The following MAMDC2 variants were observed in gnomAD, a reference collection of about 807,000 sequenced individuals.
MAMDC2 encodes MAM domain-containing protein 2.
A neutral mutation model predicts 89.8 loss-of-function variants in MAMDC2; 57 were observed. The observed-to-expected ratio is 0.63, with a 90% CI of 0.51 to 0.79. The LOEUF (loss-of-function observed/expected upper bound fraction) is 0.79. Ranked by LOEUF, MAMDC2 falls within the 30% of genes least tolerant of loss-of-function variation. MAMDC2 has a pLI of 0.00. For missense variants in MAMDC2, 800 were observed against 820.6 expected, an observed-to-expected ratio of 0.97 and a Z score of 0.31; for synonymous variants, 313 against 293.4, an observed-to-expected ratio of 1.07 and a Z score of -0.68.
intron 2 of MAMDC2, among the ~76,000 whole-genome samples, chr9:70,076,443 C>T (rs1299424143): frequency 3.3e-5 from 5 of 151,534 alleles, no homozygotes; most frequent in Admixed American, 2.0e-4. Context: ...AAATTAATGG[C>T]GGTACTTAGG....
intron 3 of MAMDC2, 141 bp from the exon 4 acceptor site, chr9:70,109,579 A>G: frequency 6.0e-6 from 4 of 665,232 alleles, no homozygotes; most frequent in Non-Finnish European, 1.1e-5. Context: ...TGAAATTGGT[A>G]TCCAATAGCA....
chr9:70,168,690 T>C lies in MAMDC2; in HGVS notation c.1405-12T>C. ...TTAACAGAATTCATAGCTTTATTTT[T>C]ATGAATTTCAGGTGGTTTTCATGAG... On this transcript the variant is annotated splice_polypyrimidine_tract_variant and intron_variant, in intron 9 of 13. Coordinates refer to ENST00000377182, the MANE Select transcript of MAMDC2 (RefSeq NM_153267.5). 2 of 1,608,866 alleles carry C rather than the reference T, an allele frequency of 1.2e-6. No homozygotes were observed. The highest frequency in any genetic ancestry group is 1.7e-6 in the Non-Finnish European group (2 of 1,175,506).
chr9:70,053,101 T>C (rs762872230), intron 2 of MAMDC2, among the ~76,000 whole-genome samples: 11 of 152,194 alleles, frequency 7.2e-5, no homozygotes, highest in Non-Finnish European at 1.3e-4. Context: ...AGGTGTGAGA[T>C]GTCCATAGCA....
chr9:70,077,465 C>T (rs1827558515), intron 2 of MAMDC2, among the ~76,000 whole-genome samples: 2 of 152,158 alleles, frequency 1.3e-5, no homozygotes, highest in Admixed American at 6.5e-5. Flanking sequence ...GGCTATTGAG[C>T]AGTAGAGATG....
At chr9:70,211,628 CGTCAAA>C (rs1257655655) in intron 11 of MAMDC2, among the ~76,000 whole-genome samples, 2 of 150,698 alleles carry the variant, frequency 1.3e-5, no homozygotes, top group African/African-American at 2.4e-5. Context: ...TCTCTCAACT[CGTCAAA>C]GTCATTCTCC....
At chr9:70,190,191 A>C (rs570152430) in intron 11 of MAMDC2, among the ~76,000 whole-genome samples, 1 of 152,194 alleles carries the variant, frequency 6.6e-6, no homozygotes, top group African/African-American at 2.4e-5. Context: ...GGACGTTTTG[A>C]ATAATACAGT....
chr9:70,075,211 G>C (rs944941764), intron 2 of MAMDC2, among the ~76,000 whole-genome samples: 2 of 152,146 alleles, frequency 1.3e-5, no homozygotes, highest in Non-Finnish European at 2.9e-5. Flanking sequence ...TGAAGCCATG[G>C]TTCAAACCTG....
At chr9:70,147,170 C>T (rs535855202) in intron 9 of MAMDC2, among the ~76,000 whole-genome samples, 4 of 148,500 alleles carry the variant, frequency 2.7e-5, no homozygotes, top group South Asian at 2.2e-4. Context: ...GCACAAGAAT[C>T]GCTTGTGCCA....
At chr9:70,182,880 T>G (rs890732731) in intron 11 of MAMDC2, among the ~76,000 whole-genome samples, 1 of 152,190 alleles carries the variant, frequency 6.6e-6, no homozygotes, top group African/African-American at 2.4e-5. Flanking sequence ...TCATTATTTC[T>G]TGTCTTCTAG....
At chr9:70,163,233 TTTTTTTTTTTTTTTA>T (rs1344337703) in intron 9 of MAMDC2, among the ~76,000 whole-genome samples, 4 of 146,512 alleles carry the variant, frequency 2.7e-5, no homozygotes, top group Non-Finnish European at 4.5e-5. Flanking sequence ...TTCTTTCTTT[TTTTTTTTTTTTTTTA>T]GACAGAGTCT....
chr9:70,172,521 C>A (rs939849657), intron 11 of MAMDC2: 4 of 152,694 alleles, frequency 2.6e-5, no homozygotes, highest in African/African-American at 7.2e-5. Context: ...CTGAGACCAC[C>A]CGCTTCCCTT....
chr9:70,058,394 T>TTACATCAA (rs1827071279), intron 2 of MAMDC2, among the ~76,000 whole-genome samples: 1 of 152,188 alleles, frequency 6.6e-6, no homozygotes, highest in African/African-American at 2.4e-5. Context: ...CATCCTCTCT[T>TTACATCAA]GACATGGGGT....
intron 2 of MAMDC2, among the ~76,000 whole-genome samples, chr9:70,057,945 A>C (rs571385227): frequency 6.6e-6 from 1 of 152,288 alleles, no homozygotes; most frequent in South Asian, 2.1e-4. Flanking sequence ...GATGCCTGGA[A>C]TGTTTTATTT....
intron 2 of MAMDC2, among the ~76,000 whole-genome samples, chr9:70,068,587 C>G (rs548999103): frequency 6.6e-6 from 1 of 151,842 alleles, no homozygotes; most frequent in African/African-American, 2.4e-5. Context: ...ATTAGCCGGG[C>G]GTGGTGGCAG....
intron 11 of MAMDC2, among the ~76,000 whole-genome samples, chr9:70,191,405 A>T (rs1231753832): frequency 1.3e-5 from 2 of 152,064 alleles, no homozygotes. Flanking sequence ...ATTATTAATC[A>T]TAATTATTTA....
chr9:70,156,353 T>TAG (rs2031764857), intron 9 of MAMDC2, among the ~76,000 whole-genome samples: 1 of 152,194 alleles, frequency 6.6e-6, no homozygotes, highest in Non-Finnish European at 1.5e-5. Context: ...AGAGCAAGTC[T>TAG]AGAAAGTTTC....
In MAMDC2 at chr9:70,126,209, G is replaced by A. The variant is rs748532388; in HGVS notation, c.694G>A (p.Ala232Thr). ...SVYVKHFQEV[A>T]QLISPLTTAP... ...TTATGTGAAGCACTTCCAGGAGGTG[G>A]CACAGCTCATCTCCCCGTTGACCAC... The change falls in exon 6 of 14, where the codon GCA becomes ACA. Residue 232 changes from alanine (A) to threonine (T), a missense_variant. Coordinates refer to ENST00000377182, the MANE Select transcript of MAMDC2 (RefSeq NM_153267.5). The A allele has an allele frequency of 3.1e-6, 5 of 1,613,896 alleles. No individual in the cohort carries two copies. The African/African-American group carries it at 4.0e-5, about 13-fold the overall frequency.
Position 70,225,736 on chromosome 9 carries a change from T to A in MAMDC2, c.1912-14T>A. The A allele has an allele frequency of 6.7e-7, 1 of 1,496,326 alleles. No homozygotes were observed. The highest frequency in any genetic ancestry group is 1.1e-5 in the South Asian group (1 of 88,482). The allele number at this position is 1,496,326 out of a possible 1,614,324, so 92.7% of individuals were successfully genotyped here. ...ATGATTCTATTTCTAAATTCAAACA[T>A]ATTATTCTTTCAGATAATTTTTGAA... On this transcript the variant is annotated splice_polypyrimidine_tract_variant and intron_variant, in intron 12 of 13. Coordinates refer to ENST00000377182, the MANE Select transcript of MAMDC2 (RefSeq NM_153267.5).
chr9:70,174,518 C>G (rs1176232032), intron 11 of MAMDC2, among the ~76,000 whole-genome samples: 1 of 152,062 alleles, frequency 6.6e-6, no homozygotes, highest in Non-Finnish European at 1.5e-5. Context: ...TCACCAAGAG[C>G]ATATCTGGAA....
Sources: allele counts gnomAD v4.1 joint callset (sites outside exome capture counted in the v4.1 genomes callset), GRCh38; gene constraint gnomAD v4.1.1; transcripts MANE v1.5; gene names NCBI Gene and HGNC (gene_info 2026-07-23, HGNC 2026-07-21).